VAC14: variants seen among roughly 807,000 people sequenced by gnomAD.
VAC14 encodes protein VAC14 homolog.
Under a neutral mutation model 85.3 loss-of-function variants are expected in VAC14, and 47 were observed. The ratio of observed to expected loss-of-function variants is 0.55; its 90% CI spans 0.44 to 0.70. VAC14 has a LOEUF of 0.70. VAC14 is among the 30% of genes least tolerant of loss of function. The pLI is 0.00. For missense variants in VAC14, 861 were observed against 1,004.3 expected, an observed-to-expected ratio of 0.86 and a Z score of 1.93; for synonymous variants, 447 against 430.5, an observed-to-expected ratio of 1.04 and a Z score of -0.47.
chr16:70,746,963 A>G (rs977027011), intron 12 of VAC14: 4 of 152,170 alleles, frequency 2.6e-5, no homozygotes, highest in Admixed American at 2.0e-4. Context: ...GAGCTGCCAT[A>G]GGTATACTCC....
chr16:70,767,750 G>A (rs1265619946), intron 10 of VAC14, among the ~76,000 whole-genome samples: 1 of 152,086 alleles, frequency 6.6e-6, no homozygotes, highest in African/African-American at 2.4e-5. Context: ...AACCTCTCTG[G>A]GTCTGTTTCC....
At chr16:70,723,627 A>G (rs1046509929) in intron 14 of VAC14, among the ~76,000 whole-genome samples, 20 of 152,352 alleles carry the variant, frequency 1.3e-4, no homozygotes, top group Non-Finnish European at 2.2e-4. Flanking sequence ...ATCTAGAAAC[A>G]ACTTCTCAAG....
At chr16:70,742,448 G>A (rs2030424310) in intron 13 of VAC14, among the ~76,000 whole-genome samples, 2 of 152,196 alleles carry the variant, frequency 1.3e-5, no homozygotes, top group Non-Finnish European at 2.9e-5. Context: ...AAGGACTTAA[G>A]GTTGGCCCCC....
chr16:70,740,785 G>A (rs2030203895), intron 13 of VAC14, among the ~76,000 whole-genome samples: 1 of 152,226 alleles, frequency 6.6e-6, no homozygotes, highest in African/African-American at 2.4e-5. Flanking sequence ...CTGCACAGGT[G>A]AGGAATGAGG....
chr16:70,765,960 T>C (rs990876340), intron 10 of VAC14, among the ~76,000 whole-genome samples: 3 of 152,116 alleles, frequency 2.0e-5, no homozygotes, highest in African/African-American at 4.8e-5. Context: ...AGCAAGACCC[T>C]GTCTCTGTGA....
At chr16:70,726,319 C>T (rs556314622) in intron 14 of VAC14, among the ~76,000 whole-genome samples, 2 of 152,234 alleles carry the variant, frequency 1.3e-5, no homozygotes, top group South Asian at 2.1e-4. Context: ...GGTGGGTGCC[C>T]TGGGCACTGG....
chr16:70,741,052 C>T (rs1452416944), intron 13 of VAC14, among the ~76,000 whole-genome samples: 2 of 152,266 alleles, frequency 1.3e-5, no homozygotes, highest in Non-Finnish European at 2.9e-5. Context: ...GGCTCCCTGC[C>T]TCCGAGGCTT....
intron 12 of VAC14, among the ~76,000 whole-genome samples, chr16:70,749,921 CCTCA>C (rs2031241984): frequency 6.6e-6 from 1 of 152,310 alleles, no homozygotes; most frequent in South Asian, 2.1e-4. Context: ...TGGGAGGCAA[CCTCA>C]ACAGGGGGCC....
chr16:70,702,682 G>T (rs1231411377), intron 14 of VAC14, among the ~76,000 whole-genome samples: 3 of 152,246 alleles, frequency 2.0e-5, no homozygotes, highest in African/African-American at 7.2e-5. Flanking sequence ...TAGCGGAAGT[G>T]TTGGCCAGCT....
At chr16:70,749,928 A>G (rs2031242191) in intron 12 of VAC14, among the ~76,000 whole-genome samples, 1 of 152,104 alleles carries the variant, frequency 6.6e-6, no homozygotes, top group Admixed American at 6.5e-5. Flanking sequence ...CAACCTCAAC[A>G]GGGGGCCTGG....
At chr16:70,721,939 C>T (rs1000052600) in intron 14 of VAC14, among the ~76,000 whole-genome samples, 1 of 152,148 alleles carries the variant, frequency 6.6e-6, no homozygotes, top group Non-Finnish European at 1.5e-5. Context: ...GAGCACAGGA[C>T]CCCAGGCCCG....
intron 14 of VAC14, among the ~76,000 whole-genome samples, chr16:70,706,724 T>G (rs990767817): frequency 2.0e-5 from 3 of 152,156 alleles, no homozygotes; most frequent in Admixed American, 2.0e-4. Context: ...ACTCCTGACC[T>G]CAAGTGATCC....
intron 12 of VAC14, 116 bp from the exon 13 acceptor site, chr16:70,744,695 T>C (rs1567559952): frequency 1.5e-6 from 2 of 1,309,174 alleles, no homozygotes. Context: ...GGTCTGCAGA[T>C]GACAGCAGGC....
chr16:70,775,269 A>G (rs1189676487), intron 9 of VAC14, among the ~76,000 whole-genome samples: 1 of 152,206 alleles, frequency 6.6e-6, no homozygotes, highest in East Asian at 1.9e-4. Context: ...TTTCAAACAC[A>G]AAGCAAAACC....
intron 18 of VAC14, chr16:70,691,457 T>C: frequency 1.0e-6 from 1 of 984,678 alleles, no homozygotes; most frequent in Non-Finnish European, 1.2e-6. Flanking sequence ...CGGTGTGGCT[T>C]CTAGGCCTCT....
At chr16:70,688,681 G>A (rs1355554276) in intron 18 of VAC14, 2 of 985,602 alleles carry the variant, frequency 2.0e-6, no homozygotes, top group Non-Finnish European at 2.4e-6. Context: ...CATTCCTGTT[G>A]CTGCCACCCT....
At chr16:70,691,024 C>T (rs2142982779) in intron 18 of VAC14, 3 of 985,464 alleles carry the variant, frequency 3.0e-6, no homozygotes, top group South Asian at 9.4e-5. Flanking sequence ...CCAGATCCTA[C>T]TCTAGGCCTG....
chr16:70,736,424 C>A lies in VAC14; in HGVS notation c.1529-4797G>T, dbSNP rs949342359. Among the ~76,000 whole-genome samples the A allele has an allele frequency of 6.6e-5, 10 of 152,186 alleles. No individual in the cohort carries two copies. The East Asian group carries it at 1.9e-3, about 29-fold the overall frequency. Reference sequence around the variant, plus strand: ...CTGAGTGGGGAGATTTCATTTCTGGCACAAATTCACAGTGCTCTATCAGGA... The same window carrying A: ...CTGAGTGGGGAGATTTCATTTCTGGAACAAATTCACAGTGCTCTATCAGGA... On this transcript the variant is annotated intron_variant, in intron 13 of 18. Coordinates refer to ENST00000261776, the MANE Select transcript of VAC14 (RefSeq NM_018052.5).
intron 14 of VAC14, among the ~76,000 whole-genome samples, chr16:70,723,343 T>A (rs1555516524): frequency 6.6e-6 from 1 of 152,166 alleles, no homozygotes; most frequent in Non-Finnish European, 1.5e-5. Flanking sequence ...CTTGAGAGGC[T>A]GAGGCAGGAG....
Sources: gnomAD v4.1 joint callset for allele counts (sites outside exome capture counted in the v4.1 genomes callset) on GRCh38, gnomAD v4.1.1 for gene constraint, MANE v1.5 for transcripts, NCBI Gene and HGNC (gene_info 2026-07-23, HGNC 2026-07-21) for gene names.